SMIM10L2A: variants seen among roughly 807,000 people sequenced by gnomAD.
The protein encoded by SMIM10L2A is small integral membrane protein 10 like 2A.
In SMIM10L2A, 2 loss-of-function variants were observed where a neutral mutation model predicts 3.0. The ratio of observed to expected loss-of-function variants is 0.66; its 90% CI spans 0.27 to 2.08. The LOEUF is 2.08. Ranked by LOEUF, SMIM10L2A falls within the 30% of genes most tolerant of loss-of-function variation. The probability of loss-of-function intolerance (pLI) is 0.14; values close to 1 mark genes in which losing one functional copy is unlikely to be tolerated. For missense variants in SMIM10L2A, 59 were observed against 66.5 expected, an observed-to-expected ratio of 0.89 and a Z score of 0.39; for synonymous variants, 29 against 34.8, an observed-to-expected ratio of 0.83 and a Z score of 0.58.
Position 135,422,538 on chromosome X carries a change from C to T in SMIM10L2A, c.*170C>T, listed in dbSNP as rs1462917117. ...ACGCCGCCAGGGCACGACGGCCCAGCCCTGGCCCCGGCTGCGGTCTCAGCC... is the reference window on the plus strand; with the variant it reads ...ACGCCGCCAGGGCACGACGGCCCAGTCCTGGCCCCGGCTGCGGTCTCAGCC... On this transcript the variant is annotated 3_prime_UTR_variant, in exon 1 of 2. Coordinates refer to ENST00000417443, the MANE Select transcript of SMIM10L2A (RefSeq NM_203306.3). 4.1e-6 allele frequency: 1 copy of T among 241,853 alleles called. No individual in the cohort carries two copies. The highest frequency in any genetic ancestry group is 7.4e-6 in the Non-Finnish European group (1 of 135,502). The allele number at this position is 241,853 out of a possible 1,213,427, so 19.9% of individuals were successfully genotyped here. A position where few individuals can be genotyped will look rare whatever the true frequency, so the allele number is the denominator to read the frequency against.
chrX:135,422,382 C>G lies in SMIM10L2A; in HGVS notation c.*14C>G. ...CGGATCGAGTGAGCGCCGGCGGCGG[C>G]GGCGGCGAAGGCCCGGCTGAAGGGG... is the stretch of plus-strand genomic sequence containing the variant. On this transcript the variant is annotated 3_prime_UTR_variant, in exon 1 of 2. Coordinates refer to ENST00000417443, the MANE Select transcript of SMIM10L2A (RefSeq NM_203306.3). 2 of 597,423 alleles carry G rather than the reference C, an allele frequency of 3.3e-6. No individual in the cohort carries two copies. Among genetic ancestry groups the G allele is most frequent in the Non-Finnish European group, 4.7e-6 (2 of 427,965 alleles). The allele number at this position is 597,423 out of a possible 1,213,427, so 49.2% of individuals were successfully genotyped here.
rs1158622899 is a variant in SMIM10L2A at position 135,427,861 on chromosome X, C to A, written c.*4591C>A. The A allele has an allele frequency of 9.0e-6, 1 of 111,583 alleles. No homozygotes were observed. Among genetic ancestry groups the A allele is most frequent in the Non-Finnish European group, 1.9e-5 (1 of 53,139 alleles). The allele number at this position is 111,583 out of a possible 1,213,427, so 9.2% of individuals were successfully genotyped here. ...CTTGTTTTTATAAATGATACAGTGA[C>A]AGATGCCGTTGTGGATAAATGCTGT... On this transcript the variant is annotated 3_prime_UTR_variant, in exon 2 of 2. Transcript: ENST00000417443.
At position 135,422,026 on chromosome X, in the gene SMIM10L2A, G is replaced by A. The variant is rs2085132594; in HGVS notation, c.-106G>A. The A allele has an allele frequency of 3.9e-6, 1 of 258,684 alleles. No individual in the cohort carries two copies. Among genetic ancestry groups the A allele is most frequent in the Non-Finnish European group, 6.8e-6 (1 of 146,316 alleles). 21.3% of individuals were successfully genotyped at this position (258,684 alleles called of 1,213,427 possible). Reference sequence around the variant, plus strand: ...GGGAACACGGGGGCGGGGCGGCCGCGGCTCTGGGCGACCCGCTGGGTGCAC... The same window carrying A: ...GGGAACACGGGGGCGGGGCGGCCGCAGCTCTGGGCGACCCGCTGGGTGCAC... On this transcript the variant is annotated 5_prime_UTR_variant, in exon 1 of 2. Transcript: ENST00000417443.
At position 135,426,135 on chromosome X, in the gene SMIM10L2A, GAC is replaced by G. The variant is rs1569501506; in HGVS notation, c.*2869_*2870del. On this transcript the variant is annotated 3_prime_UTR_variant, in exon 2 of 2. Transcript: ENST00000417443. Reference sequence around the variant, plus strand: ...GGGTGAAGTGAACTGAAACAGACTCGACACAGGTCATTTTGTGTAGCACTGAG... The same window carrying G: ...GGGTGAAGTGAACTGAAACAGACTCGACAGGTCATTTTGTGTAGCACTGAG... 8.9e-6 allele frequency: 1 copy of G among 111,786 alleles called. No homozygotes were observed. Among genetic ancestry groups the G allele is most frequent in the African/African-American group, 3.3e-5 (1 of 30,707 alleles). The allele number at this position is 111,786 out of a possible 1,213,427, so 9.2% of individuals were successfully genotyped here. A position where few individuals can be genotyped will look rare whatever the true frequency, so the allele number is the denominator to read the frequency against.
chrX:135,422,206 C>T lies in SMIM10L2A; in HGVS notation c.75C>T (p.Arg25=). 1 of 1,009,401 alleles carries T rather than the reference C, an allele frequency of 9.9e-7. No homozygotes were observed. Among genetic ancestry groups the T allele is most frequent in the African/African-American group, 2.0e-5 (1 of 50,952 alleles). 83.2% of individuals were successfully genotyped at this position (1,009,401 alleles called of 1,213,427 possible). A position where few individuals can be genotyped will look rare whatever the true frequency, so the allele number is the denominator to read the frequency against. ...CTGGCCTGGCGGTGCGGCTGTCGCGCTCAGCTGCGGCCCGAGGCTCGTACG... is the reference window on the plus strand; with the variant it reads ...CTGGCCTGGCGGTGCGGCTGTCGCGTTCAGCTGCGGCCCGAGGCTCGTACG... ...ALSGLAVRLS[R]SAAARGSYGA... Residue 25 remains arginine, a synonymous_variant, in exon 1 of 2, where the codon CGC becomes CGT. Transcript: ENST00000417443.
In SMIM10L2A at chrX:135,422,397, G is replaced by C; in HGVS notation, c.*29G>C. 2.2e-6 allele frequency: 1 copy of C among 446,787 alleles called. No individual in the cohort carries two copies. The highest frequency in any genetic ancestry group is 3.3e-6 in the Non-Finnish European group (1 of 299,080). 36.8% of individuals were successfully genotyped at this position (446,787 alleles called of 1,213,427 possible). A position where few individuals can be genotyped will look rare whatever the true frequency, so the allele number is the denominator to read the frequency against. On this transcript the variant is annotated 3_prime_UTR_variant, in exon 1 of 2. Transcript: ENST00000417443. ...CCGGCGGCGGCGGCGGCGAAGGCCCGGCTGAAGGGGCGCCCGTGTCCCCGC... is the reference window on the plus strand; with the variant it reads ...CCGGCGGCGGCGGCGGCGAAGGCCCCGCTGAAGGGGCGCCCGTGTCCCCGC...
chrX:135,422,565 G>A lies in SMIM10L2A; in HGVS notation c.*197G>A, dbSNP rs2085135710. 1.3e-5 allele frequency: 3 copies of A among 231,061 alleles called. No homozygotes were observed. The East Asian group carries it at 2.1e-4, about 16-fold the overall frequency. 19.0% of individuals were successfully genotyped at this position (231,061 alleles called of 1,213,427 possible). A position where few individuals can be genotyped will look rare whatever the true frequency, so the allele number is the denominator to read the frequency against. ...CTGGCCCCGGCTGCGGTCTCAGCCC[G>A]GGGGCCCTGGATCGCGCAGAAACGC... On this transcript the variant is annotated 3_prime_UTR_variant, in exon 1 of 2. Transcript: ENST00000417443.
chrX:135,422,638 C>T lies in SMIM10L2A; in HGVS notation c.*270C>T. The T allele has an allele frequency of 5.5e-6, 1 of 183,173 alleles. No individual in the cohort carries two copies. The highest frequency in any genetic ancestry group is 1.0e-4 in the East Asian group (1 of 9,559). The allele number at this position is 183,173 out of a possible 1,213,427, so 15.1% of individuals were successfully genotyped here. A position where few individuals can be genotyped will look rare whatever the true frequency, so the allele number is the denominator to read the frequency against. ...GGCTCCAGAAACTACCTGGGCTCGG[C>T]CGACCTGTTGCCTCATATTGGCCAA... On this transcript the variant is annotated 3_prime_UTR_variant, in exon 1 of 2. Transcript: ENST00000417443.
intron 1 of SMIM10L2A, among the ~76,000 whole-genome samples, chrX:135,423,360 T>C (rs782543969): frequency 1.6e-4 from 18 of 112,796 alleles, no homozygotes; most frequent in South Asian, 1.1e-3. Context: ...CTTGCTCTTC[T>C]GCCATGTCAG....
rs2085144563 is a variant in SMIM10L2A at position 135,424,524 on chromosome X, T to C, written c.*1254T>C. On this transcript the variant is annotated 3_prime_UTR_variant, in exon 2 of 2. Coordinates refer to ENST00000417443, the MANE Select transcript of SMIM10L2A (RefSeq NM_203306.3). ...ATCTCATCCTCACGGCTTGGATTGC[T>C]CCTGGGGGCCCCCTGGTGTGCTGCT... 1 of 111,281 alleles carries C rather than the reference T, an allele frequency of 9.0e-6. No homozygotes were observed. Among genetic ancestry groups the C allele is most frequent in the Non-Finnish European group, 1.9e-5 (1 of 52,957 alleles). 9.2% of individuals were successfully genotyped at this position (111,281 alleles called of 1,213,427 possible).
In SMIM10L2A at chrX:135,424,603, C is replaced by G. The variant is rs1488082559; in HGVS notation, c.*1333C>G. The G allele has an allele frequency of 4.5e-5, 5 of 111,308 alleles. No individual in the cohort carries two copies. The highest frequency in any genetic ancestry group is 1.6e-4 in the African/African-American group (5 of 30,531). The allele number at this position is 111,308 out of a possible 1,213,427, so 9.2% of individuals were successfully genotyped here. A position where few individuals can be genotyped will look rare whatever the true frequency, so the allele number is the denominator to read the frequency against. On this transcript the variant is annotated 3_prime_UTR_variant, in exon 2 of 2. Coordinates refer to ENST00000417443, the MANE Select transcript of SMIM10L2A (RefSeq NM_203306.3). ...CAGAGGGGAGCCGGGAAGGGACCCTCGCCCTTACCATCTATCCCCATTTCC... is the reference window on the plus strand; with the variant it reads ...CAGAGGGGAGCCGGGAAGGGACCCTGGCCCTTACCATCTATCCCCATTTCC...
At position 135,422,435 on chromosome X, in the gene SMIM10L2A, G is replaced by C. The variant is rs1420994990; in HGVS notation, c.*67G>C. ...CCCGTGTCCCCGCCCGCCCCCGGCCGGGTCGCCGGCATGAAGGAAAGCTGG... is the reference window on the plus strand; with the variant it reads ...CCCGTGTCCCCGCCCGCCCCCGGCCCGGTCGCCGGCATGAAGGAAAGCTGG... On this transcript the variant is annotated 3_prime_UTR_variant, in exon 1 of 2. Coordinates refer to ENST00000417443, the MANE Select transcript of SMIM10L2A (RefSeq NM_203306.3). 3 of 316,118 alleles carry C rather than the reference G, an allele frequency of 9.5e-6. No homozygotes were observed. The highest frequency in any genetic ancestry group is 1.6e-5 in the Non-Finnish European group (3 of 193,496). 26.1% of individuals were successfully genotyped at this position (316,118 alleles called of 1,213,427 possible).
In SMIM10L2A at chrX:135,422,095, T is replaced by C; in HGVS notation, c.-37T>C. 1 of 325,333 alleles carries C rather than the reference T, an allele frequency of 3.1e-6. No individual in the cohort carries two copies. Among genetic ancestry groups the C allele is most frequent in the Non-Finnish European group, 5.0e-6 (1 of 200,461 alleles). The allele number at this position is 325,333 out of a possible 1,213,427, so 26.8% of individuals were successfully genotyped here. A position where few individuals can be genotyped will look rare whatever the true frequency, so the allele number is the denominator to read the frequency against. On this transcript the variant is annotated 5_prime_UTR_variant, in exon 1 of 2. Coordinates refer to ENST00000417443, the MANE Select transcript of SMIM10L2A (RefSeq NM_203306.3). Reference sequence around the variant, plus strand: ...GCCCTGAGGCTCGCGCTCGAGCGGGTCAGTCGGTCGGCGGGGCCTGCGCGG... The same window carrying C: ...GCCCTGAGGCTCGCGCTCGAGCGGGCCAGTCGGTCGGCGGGGCCTGCGCGG...
At position 135,426,796 on chromosome X, in the gene SMIM10L2A, G is replaced by A. The variant is rs1273370955; in HGVS notation, c.*3526G>A. 9.0e-6 allele frequency: 1 copy of A among 110,810 alleles called. No homozygotes were observed. The highest frequency in any genetic ancestry group is 1.9e-5 in the Non-Finnish European group (1 of 52,654). The allele number at this position is 110,810 out of a possible 1,213,427, so 9.1% of individuals were successfully genotyped here. A position where few individuals can be genotyped will look rare whatever the true frequency, so the allele number is the denominator to read the frequency against. ...CCTGCTACAGAGGAAAAGGCAGGAA[G>A]GCCGGTTCTGCTCCGATGGGACTCC... On this transcript the variant is annotated 3_prime_UTR_variant, in exon 2 of 2. Coordinates refer to ENST00000417443, the MANE Select transcript of SMIM10L2A (RefSeq NM_203306.3).
chrX:135,424,054 GT>G lies in SMIM10L2A; in HGVS notation c.*785del, dbSNP rs1340823113. ...CCAGTCTTCTTCAAGACCTGGCATG[GT>G]GGGAGGAGGGAGGGGGAAGTGGAGA... On this transcript the variant is annotated 3_prime_UTR_variant, in exon 2 of 2. Coordinates refer to ENST00000417443, the MANE Select transcript of SMIM10L2A (RefSeq NM_203306.3). 1 of 112,237 alleles carries G rather than the reference GT, an allele frequency of 8.9e-6. No homozygotes were observed. Among genetic ancestry groups the G allele is most frequent in the Non-Finnish European group, 1.9e-5 (1 of 53,111 alleles). The allele number at this position is 112,237 out of a possible 1,213,427, so 9.2% of individuals were successfully genotyped here.
In SMIM10L2A at chrX:135,422,278, C is replaced by G; in HGVS notation, c.147C>G (p.Asp49Glu). 1.9e-6 allele frequency: 2 copies of G among 1,080,538 alleles called. No homozygotes were observed. Among genetic ancestry groups the G allele is most frequent in the Non-Finnish European group, 2.4e-6 (2 of 820,230 alleles). 89.0% of individuals were successfully genotyped at this position (1,080,538 alleles called of 1,213,427 possible). ...CGCGCACGCTGCTCACCTTCTTCGA[C>G]CTGGCCTGGCGGCTGCGCATGAACT... ...GLTRTLLTFF[D>E]LAWRLRMNFP... The change falls in exon 1 of 2, where the codon GAC (aspartate) becomes GAG (glutamate). Residue 49 changes from aspartate (D) to glutamate (E), a missense_variant. Asp to Glu is a conservative substitution (Grantham distance 45, BLOSUM62 2). Transcript: ENST00000417443.
chrX:135,427,868 C>T lies in SMIM10L2A; in HGVS notation c.*4598C>T, dbSNP rs1556472179. ...TTATAAATGATACAGTGACAGATGC[C>T]GTTGTGGATAAATGCTGTGGCATAG... On this transcript the variant is annotated 3_prime_UTR_variant, in exon 2 of 2. Transcript: ENST00000417443. The T allele has an allele frequency of 9.0e-6, 1 of 111,109 alleles. No homozygotes were observed. Among genetic ancestry groups the T allele is most frequent in the Non-Finnish European group, 1.9e-5 (1 of 53,024 alleles). 9.2% of individuals were successfully genotyped at this position (111,109 alleles called of 1,213,427 possible).
rs2085132501 is a variant in SMIM10L2A, at chrX:135,422,017, G to T, written c.-115G>T. 1 of 257,364 alleles carries T rather than the reference G, an allele frequency of 3.9e-6. No individual in the cohort carries two copies. Among genetic ancestry groups the T allele is most frequent in the Non-Finnish European group, 6.9e-6 (1 of 144,893 alleles). 21.2% of individuals were successfully genotyped at this position (257,364 alleles called of 1,213,427 possible). On this transcript the variant is annotated 5_prime_UTR_variant, in exon 1 of 2. Coordinates refer to ENST00000417443, the MANE Select transcript of SMIM10L2A (RefSeq NM_203306.3). Reference sequence around the variant, plus strand: ...CTCGGCCTTGGGAACACGGGGGCGGGGCGGCCGCGGCTCTGGGCGACCCGC... The same window carrying T: ...CTCGGCCTTGGGAACACGGGGGCGGTGCGGCCGCGGCTCTGGGCGACCCGC...
chrX:135,422,222 G>C lies in SMIM10L2A; in HGVS notation c.91G>C (p.Gly31Arg). Reference protein sequence around the residue: ...VRLSRSAAARGSYGAFCKGLT... With the variant: ...VRLSRSAAARRSYGAFCKGLT... ...GCTGTCGCGCTCAGCTGCGGCCCGA[G>C]GCTCGTACGGCGCCTTCTGCAAGGG... Residue 31 changes from glycine (G) to arginine (R), a missense_variant, in exon 1 of 2, where the codon GGC (glycine) becomes CGC (arginine). By Grantham distance (125) the Gly-to-Arg change is moderately radical. Coordinates refer to ENST00000417443, the MANE Select transcript of SMIM10L2A (RefSeq NM_203306.3). 9.4e-7 allele frequency: 1 copy of C among 1,062,387 alleles called. No homozygotes were observed. The highest frequency in any genetic ancestry group is 2.3e-5 in the South Asian group (1 of 44,371). 87.6% of individuals were successfully genotyped at this position (1,062,387 alleles called of 1,213,427 possible). A position where few individuals can be genotyped will look rare whatever the true frequency, so the allele number is the denominator to read the frequency against.
Sources: allele counts gnomAD v4.1 joint callset (sites outside exome capture counted in the v4.1 genomes callset), GRCh38; gene constraint gnomAD v4.1.1; transcripts MANE v1.5; gene names NCBI Gene and HGNC (gene_info 2026-07-23, HGNC 2026-07-21).